The following DOCK9 variants were observed in gnomAD, a reference collection of about 807,000 sequenced individuals.
DOCK9 encodes the protein dedicator of cytokinesis 9.
A neutral mutation model predicts 263.3 loss-of-function variants in DOCK9; 89 were observed. The ratio of observed to expected loss-of-function variants is 0.34; its 90% CI spans 0.28 to 0.40. The LOEUF (loss-of-function observed/expected upper bound fraction) is 0.40. Ranked by LOEUF, DOCK9 falls within the 10% of genes least tolerant of loss-of-function variation. The probability of loss-of-function intolerance (pLI) is 1.00; values close to 1 mark genes in which losing one functional copy is unlikely to be tolerated. For missense variants in DOCK9, 2,140 were observed against 2,603.4 expected (o/e 0.82, Z 3.87); for synonymous variants, 976 against 973.1 (o/e 1.00, Z -0.06).
chr13:98,796,319 G>T, intron 52 of DOCK9: 1 of 939,922 alleles, frequency 1.1e-6, no homozygotes, highest in Non-Finnish European at 1.7e-6. Flanking sequence ...TCAGGGGATA[G>T]GATCACTCCA....
intron 1 of DOCK9, among the ~76,000 whole-genome samples, chr13:99,051,574 T>A (rs775280934): frequency 6.6e-6 from 1 of 152,056 alleles, no homozygotes; most frequent in Non-Finnish European, 1.5e-5. Flanking sequence ...ATCCGAATGC[T>A]CTAAAGGTCA....
At chr13:99,071,146 G>T (rs768106075) in intron 1 of DOCK9, among the ~76,000 whole-genome samples, 16 of 151,634 alleles carry the variant, frequency 1.1e-4, no homozygotes, top group South Asian at 2.1e-4. Context: ...TATTATACTG[G>T]TTTTTTTGTT....
intron 9 of DOCK9, among the ~76,000 whole-genome samples, chr13:98,911,230 C>A (rs1215782197): frequency 6.6e-6 from 1 of 152,156 alleles, no homozygotes; most frequent in Admixed American, 6.6e-5. Flanking sequence ...ATTTGTAAAA[C>A]ACCTGAAAGC....
intron 18 of DOCK9, 57 bp from the exon 19 acceptor site, chr13:98,886,681 C>T (rs6491466): frequency 2.6e-6 from 4 of 1,514,080 alleles, no homozygotes; most frequent in African/African-American, 1.4e-5. Flanking sequence ...AGAAATTAAA[C>T]TTGGATATAT....
intron 30 of DOCK9, among the ~76,000 whole-genome samples, chr13:98,865,588 G>T (rs2093997929): frequency 6.6e-6 from 1 of 152,166 alleles, no homozygotes; most frequent in South Asian, 2.1e-4. Flanking sequence ...AAATACCCTA[G>T]AAGTCTATAA....
At chr13:98,991,393 A>G (rs1879772992) in intron 1 of DOCK9, among the ~76,000 whole-genome samples, 1 of 152,184 alleles carries the variant, frequency 6.6e-6, no homozygotes. Context: ...TTCAATAACA[A>G]GTGTGACAGG....
At chr13:99,063,552 A>C (rs1426563360) in intron 1 of DOCK9, among the ~76,000 whole-genome samples, 3 of 152,202 alleles carry the variant, frequency 2.0e-5, no homozygotes, top group African/African-American at 7.2e-5. Flanking sequence ...CTGGGGCCCA[A>C]ACCAACCACT....
chr13:98,872,415 G>GTT (rs11388663), intron 27 of DOCK9, among the ~76,000 whole-genome samples: 79 of 149,874 alleles, frequency 5.3e-4, no homozygotes, highest in Admixed American at 1.3e-3. Context: ...TTTGTTTTTT[G>GTT]TTTTTTTTTG....
chr13:98,924,347 G>C lies in DOCK9; in HGVS notation c.417-976C>G, dbSNP rs1371994778. Among the ~76,000 whole-genome samples, 3 of 152,310 alleles carry C rather than the reference G, an allele frequency of 2.0e-5. No individual in the cohort carries two copies. In the East Asian group the frequency reaches 5.8e-4, roughly 29 times the overall value. On this transcript the variant is annotated intron_variant, in intron 4 of 52. Coordinates refer to ENST00000682017, the MANE Select transcript of DOCK9 (RefSeq NM_001366683.2). ...TAGGTCTACTGAGAACCGCATAAAA[G>C]GTTCCAGCTCAAAGATGTAACAAAC...
intron 1 of DOCK9, among the ~76,000 whole-genome samples, chr13:99,003,660 TTG>T (rs1882795940): frequency 9.2e-6 from 1 of 108,320 alleles, no homozygotes; most frequent in African/African-American, 3.2e-5. Context: ...TCTTGACTCC[TTG>T]TCTCTTATTT....
chr13:98,804,418 G>A (rs2090458279), intron 49 of DOCK9, among the ~76,000 whole-genome samples: 1 of 152,190 alleles, frequency 6.6e-6, no homozygotes, highest in South Asian at 2.1e-4. Flanking sequence ...TGGCTAAACA[G>A]TGCCAAAGGG....
intron 1 of DOCK9, among the ~76,000 whole-genome samples, chr13:99,069,058 G>A (rs953726723): frequency 3.0e-4 from 46 of 152,210 alleles, no homozygotes; most frequent in African/African-American, 1.0e-3. Flanking sequence ...TTTAGCCAAC[G>A]CAAAGCAGCC....
intron 9 of DOCK9, among the ~76,000 whole-genome samples, chr13:98,907,905 C>T (rs917179323): frequency 4.6e-5 from 7 of 152,132 alleles, no homozygotes; most frequent in African/African-American, 1.7e-4. Flanking sequence ...CCAATATCTA[C>T]CTGCTAGATA....
chr13:99,080,424 C>T (rs2042080999), intron 1 of DOCK9, among the ~76,000 whole-genome samples: 1 of 152,104 alleles, frequency 6.6e-6, no homozygotes, highest in Non-Finnish European at 1.5e-5. Flanking sequence ...GAACTTCTTT[C>T]CTGAAATAGT....
chr13:98,981,061 G>GT (rs1038373466), upstream of DOCK9, among the ~76,000 whole-genome samples: 155 of 141,932 alleles, frequency 1.1e-3, 1 homozygote, highest in South Asian at 1.8e-3. Context: ...TTTGTTTTTT[G>GT]TTTTTTTTTT....
At chr13:99,018,266 G>A (rs963211096) in intron 1 of DOCK9, among the ~76,000 whole-genome samples, 4 of 152,176 alleles carry the variant, frequency 2.6e-5, no homozygotes, top group Non-Finnish European at 5.9e-5. Flanking sequence ...GTGTTCTCAA[G>A]AGTGGGTTTC....
chr13:98,888,665 T>G lies in DOCK9; in HGVS notation c.1756A>C (p.Ile586Leu). 4 of 1,613,928 alleles carry G rather than the reference T, an allele frequency of 2.5e-6. No homozygotes were observed. Among genetic ancestry groups the G allele is most frequent in the Non-Finnish European group, 3.4e-6 (4 of 1,179,858 alleles). ...KLPVILGNLD[I>L]TIDNVSSDFP... Reference sequence around the variant, plus strand: ...TCTGAGGAAACATTATCAATTGTAATGTCTAGATTGCCTAAAATCACTGGG... The same window carrying G: ...TCTGAGGAAACATTATCAATTGTAAGGTCTAGATTGCCTAAAATCACTGGG... The change falls in exon 16 of 53, where the codon ATT (isoleucine) becomes CTT (leucine). Residue 586 changes from isoleucine (I) to leucine (L), a missense_variant. Around this residue, in one of 2 missense-constraint regions of DOCK9, gnomAD observed 1,521 missense variants for 1,741.7 expected, o/e 0.87. Transcript: ENST00000682017.
rs376323661 is a variant in DOCK9 at position 98,933,390 on chromosome 13, C to T, written c.244-3133G>A. Among the ~76,000 whole-genome samples, 27 of 151,510 alleles carry T rather than the reference C, an allele frequency of 1.8e-4. No individual in the cohort carries two copies. The East Asian group carries it at 2.9e-3, about 16-fold the overall frequency. The stretch of plus-strand genomic sequence containing the variant: ...TCTCACTTGGAAAAAAAAAAAGTAA[C>T]TTTAAATTATTAAACAGAATCCTGA... On this transcript the variant is annotated intron_variant, in intron 2 of 52. Transcript: ENST00000682017.
At chr13:98,855,790 A>G (rs1330253749) in intron 34 of DOCK9, 108 bp downstream of exon 34, 1 of 1,419,872 alleles carries the variant, frequency 7.0e-7, no homozygotes, top group Non-Finnish European at 9.6e-7. Context: ...GGTGGTTTAG[A>G]AAAAAACAAA....
Sources: gnomAD v4.1 joint callset for allele counts (sites outside exome capture counted in the v4.1 genomes callset) on GRCh38, gnomAD v4.1.1 for gene constraint, gnomAD v4.1.1 regional missense constraint, MANE v1.5 for transcripts, NCBI Gene and HGNC (gene_info 2026-07-23, HGNC 2026-07-21) for gene names.